SPEG: variants seen among roughly 807,000 people sequenced by gnomAD.
SPEG encodes striated muscle enriched protein kinase.
SPEG carries 114 observed loss-of-function variants against 300.4 expected under a neutral mutation model. The observed-to-expected ratio is 0.38, with a 90% CI of 0.33 to 0.44. SPEG has a LOEUF of 0.44. Ranked by LOEUF, SPEG falls within the 20% of genes least tolerant of loss-of-function variation. The pLI is 1.00. For synonymous variants in SPEG, 1,964 were observed against 2,018.9 expected, an observed-to-expected ratio of 0.97 and a Z score of 0.73; for missense variants, 4,201 against 4,586.2, an observed-to-expected ratio of 0.92 and a Z score of 2.43.
rs1171730070 is a variant in SPEG, at chr2:219,451,832, C to T, written c.2440+25C>T. ...GGTAGGGAGCCCATCAACCCTGGGG[C>T]TGGGTGGGGGCAAGCCGTGACTCTC... On this transcript the variant is annotated intron_variant, in intron 6 of 40. Coordinates refer to ENST00000312358, the MANE Select transcript of SPEG (RefSeq NM_005876.5). This position sits in a 1 kb window ranked among gnomAD's most constrained non-coding sequence, Gnocchi z 6.4. The T allele has an allele frequency of 1.3e-6, 2 of 1,503,798 alleles. No individual in the cohort carries two copies. Among genetic ancestry groups the T allele is most frequent in the Non-Finnish European group, 1.8e-6 (2 of 1,119,638 alleles). 93.2% of individuals were successfully genotyped at this position (1,503,798 alleles called of 1,614,324 possible).
At position 219,488,551 on chromosome 2, in the gene SPEG, G is replaced by T. The variant is rs369363336; in HGVS notation, c.7912G>T (p.Gly2638Trp). The change falls in exon 33 of 41, where the codon GGG becomes TGG. Residue 2638 changes from glycine to tryptophan, a missense_variant. By Grantham distance (184) the Gly-to-Trp change is radical (BLOSUM62 -2). Transcript: ENST00000312358. Reference protein sequence around the residue: ...PSVIIVSCKDGRQLLSIPRAG... With the variant: ...PSVIIVSCKDWRQLLSIPRAG... ...AGTGATCATCGTGTCCTGCAAAGAT[G>T]GGCGGCAGCTGCTCAGCATCCCCCG... The T allele has an allele frequency of 6.2e-7, 1 of 1,609,950 alleles. No individual in the cohort carries two copies. The highest frequency in any genetic ancestry group is 1.3e-5 in the African/African-American group (1 of 74,846).
chr2:219,461,631 CT>C, intron 6 of SPEG: 1 of 935,930 alleles, frequency 1.1e-6, no homozygotes, highest in Admixed American at 3.8e-5. Context: ...TGCCCCAGGC[CT>C]TTCCCTATGG....
At chr2:219,491,685 G>T in intron 38 of SPEG, 109 bp from the exon 39 acceptor site, 2 of 836,952 alleles carry the variant, frequency 2.4e-6, no homozygotes, top group Non-Finnish European at 3.9e-6. Flanking sequence ...CATTCCCATG[G>T]TCTGGTGACC....
In SPEG at chr2:219,449,657, C is replaced by T. The variant is rs142550683; in HGVS notation, c.2113+386C>T. Among the ~76,000 whole-genome samples the T allele has an allele frequency of 7.6e-3, 1,162 of 152,258 alleles. 9 individuals are homozygous for T. The highest frequency in any genetic ancestry group is 0.017 in the South Asian group (81 of 4,832). On this transcript the variant is annotated intron_variant, in intron 4 of 40. Transcript: ENST00000312358. The stretch of plus-strand genomic sequence containing the variant: ...GAACCTAAGGACCCCCCTCCATACC[C>T]CCAATCCCTCTGTTGGGGAGAGATG...
rs768897578 is a variant in SPEG at position 219,488,481 on chromosome 2, C to G, written c.7859-17C>G. ...CTGCCTCACTCAGCAGCAACTCCTGCTCCTCCCTGTCCCCAGACAAGAAGT... is the reference window on the plus strand; with the variant it reads ...CTGCCTCACTCAGCAGCAACTCCTGGTCCTCCCTGTCCCCAGACAAGAAGT... On this transcript the variant is annotated splice_polypyrimidine_tract_variant and intron_variant, in intron 32 of 40. Transcript: ENST00000312358. 1 of 1,553,204 alleles carries G rather than the reference C, an allele frequency of 6.4e-7. No homozygotes were observed. The highest frequency in any genetic ancestry group is 2.3e-5 in the East Asian group (1 of 44,232).
chr2:219,467,661 C>T (rs891499433), intron 10 of SPEG, among the ~76,000 whole-genome samples: 4 of 152,224 alleles, frequency 2.6e-5, no homozygotes, highest in African/African-American at 7.2e-5. Context: ...GGAGGGAGTG[C>T]ATCTGCTGAG....
At chr2:219,438,900 T>G (rs1444046839) in intron 1 of SPEG, among the ~76,000 whole-genome samples, 2 of 152,220 alleles carry the variant, frequency 1.3e-5, no homozygotes, top group African/African-American at 4.8e-5. Flanking sequence ...TACCAGAACC[T>G]GTGTTGAGGA....
At chr2:219,476,334 G>A (rs1401587428) in intron 18 of SPEG, among the ~76,000 whole-genome samples, 1 of 152,182 alleles carries the variant, frequency 6.6e-6, no homozygotes, top group Non-Finnish European at 1.5e-5. Flanking sequence ...TAGAGGCAAT[G>A]CCATCCATGA....
rs766690233 is a variant in SPEG, at chr2:219,467,448, C to G, written c.3142+14C>G. 2 of 1,589,492 alleles carry G rather than the reference C, an allele frequency of 1.3e-6. No individual in the cohort carries two copies. Among genetic ancestry groups the G allele is most frequent in the Non-Finnish European group, 8.6e-7 (1 of 1,164,866 alleles). On this transcript the variant is annotated intron_variant, in intron 10 of 40. Transcript: ENST00000312358. Reference sequence around the variant, plus strand: ...GCACGGCCAAAGGTAACTCCCCACTCAGGCATTGGGCTGCCGTGGGTGCCC... The same window carrying G: ...GCACGGCCAAAGGTAACTCCCCACTGAGGCATTGGGCTGCCGTGGGTGCCC...
intron 18 of SPEG, among the ~76,000 whole-genome samples, chr2:219,476,162 T>C (rs1457193328): frequency 6.6e-6 from 1 of 152,110 alleles, no homozygotes; most frequent in East Asian, 1.9e-4. Flanking sequence ...GTGATATGTA[T>C]GGAGAATGAA....
At chr2:219,436,057 G>A (rs1954710271) in intron 1 of SPEG, among the ~76,000 whole-genome samples, 1 of 152,256 alleles carries the variant, frequency 6.6e-6, no homozygotes, top group African/African-American at 2.4e-5. Context: ...GTGCAAACAG[G>A]TGAGGTATGG....
At chr2:219,453,851 G>A (rs905541875) in intron 6 of SPEG, among the ~76,000 whole-genome samples, 2 of 152,146 alleles carry the variant, frequency 1.3e-5, no homozygotes, top group African/African-American at 4.8e-5. Context: ...GGACTTGAGA[G>A]CAGCAAAAGT....
At position 219,482,810 on chromosome 2, in the gene SPEG, C is replaced by T. The variant is rs767493071; in HGVS notation, c.5592C>T (p.Ser1864=). ...CTCAGGCAAAGGGCGCAGAGGTGAG[C>T]ACGGATCACCTGAAGCTATTCCTCT... The part of the protein sequence containing the change: ...FKTQAKGAEV[S]TDHLKLFLSR... The change falls in exon 29 of 41, where the codon AGC becomes AGT. Residue 1864 remains serine, a synonymous_variant. Transcript: ENST00000312358. 7.4e-6 allele frequency: 12 copies of T among 1,613,904 alleles called. No homozygotes were observed. Among genetic ancestry groups the T allele is most frequent in the Non-Finnish European group, 1.0e-5 (12 of 1,179,944 alleles).
In SPEG at chr2:219,493,450, A is replaced by T. The variant is rs1434913956; in HGVS notation, c.*664A>T. On this transcript the variant is annotated 3_prime_UTR_variant, in exon 41 of 41. Coordinates refer to ENST00000312358, the MANE Select transcript of SPEG (RefSeq NM_005876.5). Reference sequence around the variant, plus strand: ...CCCTGGGCGCTCTGCTGGCCCAAGGATGTCCCCACTGCCCCTCCATGGCCT... The same window carrying T: ...CCCTGGGCGCTCTGCTGGCCCAAGGTTGTCCCCACTGCCCCTCCATGGCCT... 2.4e-6 allele frequency: 1 copy of T among 423,308 alleles called. No homozygotes were observed. Among genetic ancestry groups the T allele is most frequent in the Admixed American group, 2.4e-5 (1 of 41,120 alleles). The allele number at this position is 423,308 out of a possible 1,614,324, so 26.2% of individuals were successfully genotyped here. A position where few individuals can be genotyped will look rare whatever the true frequency, so the allele number is the denominator to read the frequency against.
In SPEG at chr2:219,459,943, G is replaced by A. The variant is rs1265419268; in HGVS notation, c.2441-1939G>A. Among the ~76,000 whole-genome samples the A allele has an allele frequency of 1.3e-5, 2 of 152,230 alleles. No homozygotes were observed. The highest frequency in any genetic ancestry group is 4.8e-5 in the African/African-American group (2 of 41,456). On this transcript the variant is annotated intron_variant, in intron 6 of 40. Transcript: ENST00000312358. This position sits in a 1 kb window ranked among gnomAD's most constrained non-coding sequence, Gnocchi z 4.9. ...ATGTGGCCCCGGGTTGCGGGGTGAG[G>A]TGATAGGAAGAGGGAGAAGGACATG...
chr2:219,463,537 C>T (rs1265230700), intron 8 of SPEG, among the ~76,000 whole-genome samples: 1 of 150,502 alleles, frequency 6.6e-6, no homozygotes, highest in Non-Finnish European at 1.5e-5. Flanking sequence ...CCTCAGCCTC[C>T]TGAGTAGCTG....
chr2:219,471,934 T>C lies in SPEG; in HGVS notation c.3782T>C (p.Val1261Ala), dbSNP rs371872221. The change falls in exon 14 of 41, where the codon GTC becomes GCC. Residue 1261 changes from valine (V) to alanine (A), a missense_variant. Physicochemically the swap from Val to Ala is moderately conservative, Grantham distance 64. Transcript: ENST00000312358. Reference protein sequence around the residue: ...GPQHAGVYKSVIANKLGKAAC... With the variant: ...GPQHAGVYKSAIANKLGKAAC... ...CAGCACGCCGGTGTCTACAAGAGCG[T>C]CATTGCCAACAAGCTGGGCAAAGCT... 3 of 1,613,818 alleles carry C rather than the reference T, an allele frequency of 1.9e-6. No homozygotes were observed. The African/African-American group carries it at 4.0e-5, about 22-fold the overall frequency.
At position 219,448,505 on chromosome 2, in the gene SPEG, C is replaced by T; in HGVS notation, c.1347C>T (p.Thr449=). The T allele has an allele frequency of 6.9e-7, 1 of 1,452,882 alleles. No individual in the cohort carries two copies. The highest frequency in any genetic ancestry group is 9.0e-7 in the Non-Finnish European group (1 of 1,111,760). The allele number at this position is 1,452,882 out of a possible 1,614,324, so 90.0% of individuals were successfully genotyped here. A position where few individuals can be genotyped will look rare whatever the true frequency, so the allele number is the denominator to read the frequency against. The change falls in exon 4 of 41, where the codon ACC becomes ACT. Residue 449 remains threonine (T), a synonymous_variant. Transcript: ENST00000312358. ...CGGAGCGCGGCGCACCGTGGGGCAC[C>T]CCCGGGGCCTCGCAGGAAGAACTGC... The part of the protein sequence containing the change: ...PKSERGAPWG[T]PGASQEELRA...
chr2:219,466,781 G>A, intron 9 of SPEG: 2 of 1,012,060 alleles, frequency 2.0e-6, no homozygotes, highest in Non-Finnish European at 2.4e-6. Context: ...TGCAGGAGCA[G>A]GGGCAGGGGG....
Sources: gnomAD v4.1 joint callset for allele counts (sites outside exome capture counted in the v4.1 genomes callset) on GRCh38, gnomAD v4.1.1 for gene constraint, Gnocchi (gnomAD v3.1) non-coding constraint, MANE v1.5 for transcripts, NCBI Gene and HGNC (gene_info 2026-07-23, HGNC 2026-07-21) for gene names.